The following ANTXRL variants were observed in gnomAD, a reference collection of about 807,000 sequenced individuals.
The protein encoded by ANTXRL is ANTXR like, also known as anthrax toxin receptor-like.
Under a neutral mutation model 75.4 loss-of-function variants are expected in ANTXRL, and 63 were observed. The ratio of observed to expected loss-of-function variants is 0.84; its 90% CI spans 0.68 to 1.03. ANTXRL has a LOEUF of 1.03. Among genes scored for constraint, ANTXRL ranks in the 50% least tolerant of loss-of-function variants. The pLI, the probability that ANTXRL is intolerant of heterozygous loss-of-function variation, is 0.00. For synonymous variants in ANTXRL, 335 were observed against 291.3 expected, an observed-to-expected ratio of 1.15 and a Z score of -1.53; for missense variants, 797 against 789.4, an observed-to-expected ratio of 1.01 and a Z score of -0.12.
At chr10:46,299,254 G>T (rs577322979) in intron 9 of ANTXRL, among the ~76,000 whole-genome samples, 5 of 152,256 alleles carry the variant, frequency 3.3e-5, no homozygotes, top group African/African-American at 1.2e-4. Context: ...AGCACCCTAT[G>T]AGCAGAAGGA....
At chr10:46,287,584 A>AT in intron 1 of ANTXRL, 74 bp downstream of exon 1, 2 of 1,469,862 alleles carry the variant, frequency 1.4e-6, no homozygotes, top group Non-Finnish European at 1.8e-6. Flanking sequence ...GGGACAGGAC[A>AT]CCACTCAAGG....
intron 16 of ANTXRL, among the ~76,000 whole-genome samples, chr10:46,317,043 C>T (rs1397804351): frequency 2.0e-5 from 3 of 152,164 alleles, no homozygotes; most frequent in Admixed American, 6.5e-5. Flanking sequence ...CTCCAGCCTC[C>T]TGCGACCCTA....
intron 16 of ANTXRL, among the ~76,000 whole-genome samples, chr10:46,321,419 G>C (rs1272061090): frequency 6.6e-6 from 1 of 152,110 alleles, no homozygotes; most frequent in Non-Finnish European, 1.5e-5. Flanking sequence ...AGGTTTACCT[G>C]AAAGTCTGCA....
Position 46,329,511 on chromosome 10 carries a change from C to G in ANTXRL, c.1411-88C>G, listed in dbSNP as rs188650225. 22 of 1,474,992 alleles carry G rather than the reference C, an allele frequency of 1.5e-5. No individual in the cohort carries two copies. The Middle Eastern group carries it at 5.2e-4, about 35-fold the overall frequency. 91.4% of individuals were successfully genotyped at this position (1,474,992 alleles called of 1,614,324 possible). A position where few individuals can be genotyped will look rare whatever the true frequency, so the allele number is the denominator to read the frequency against. Reference sequence around the variant, plus strand: ...CCTGTGGGTCCCGATGGGTCCTGGCCCCATCCCTTTGAGCCAGGCAACCGC... The same window carrying G: ...CCTGTGGGTCCCGATGGGTCCTGGCGCCATCCCTTTGAGCCAGGCAACCGC... On this transcript the variant is annotated intron_variant, in intron 16 of 16. Coordinates refer to ENST00000620264, the MANE Select transcript of ANTXRL (RefSeq NM_001278688.3).
intron 16 of ANTXRL, among the ~76,000 whole-genome samples, chr10:46,327,648 A>G (rs2099494559): frequency 6.6e-6 from 1 of 152,130 alleles, no homozygotes; most frequent in African/African-American, 2.4e-5. Context: ...AGGGGAATCC[A>G]GCATTTGAGG....
intron 3 of ANTXRL, 71 bp downstream of exon 3, chr10:46,293,971 G>A: frequency 7.1e-7 from 1 of 1,407,334 alleles, no homozygotes; most frequent in Non-Finnish European, 9.6e-7. Flanking sequence ...GGAGCTGAAG[G>A]GCTCCCGGAG....
At chr10:46,299,791 G>A (rs1322712987) in intron 9 of ANTXRL, among the ~76,000 whole-genome samples, 4 of 152,170 alleles carry the variant, frequency 2.6e-5, no homozygotes, top group African/African-American at 9.7e-5. Context: ...AAAGGCACTG[G>A]GCTGTGCAGG....
At chr10:46,293,687 C>T in intron 2 of ANTXRL, 142 bp from the exon 3 acceptor site, 1 of 698,094 alleles carries the variant, frequency 1.4e-6, no homozygotes, top group Non-Finnish European at 2.4e-6. Context: ...CAGAGTCCTT[C>T]ACTACATTTA....
At chr10:46,304,552 T>C (rs1319603980) in intron 10 of ANTXRL, among the ~76,000 whole-genome samples, 1 of 152,156 alleles carries the variant, frequency 6.6e-6, no homozygotes, top group Non-Finnish European at 1.5e-5. Context: ...TGCAAGGTTG[T>C]GGTTTTTGCA....
At chr10:46,306,562 T>G (rs11259785) in intron 10 of ANTXRL, among the ~76,000 whole-genome samples, 36,100 of 151,812 alleles carry the variant, frequency 0.24, 5,445 homozygotes, top group Non-Finnish European at 0.33. Flanking sequence ...CTGTGTCCCG[T>G]GCAATCCCTA....
intron 9 of ANTXRL, among the ~76,000 whole-genome samples, chr10:46,300,407 C>G (rs1207677897): frequency 1.3e-5 from 2 of 152,116 alleles, no homozygotes; most frequent in South Asian, 4.1e-4. Flanking sequence ...CCTGTTTAGC[C>G]CTGGGCCTCC....
intron 16 of ANTXRL, among the ~76,000 whole-genome samples, chr10:46,324,559 TCTC>T (rs1839123718): frequency 6.6e-6 from 1 of 152,176 alleles, no homozygotes; most frequent in African/African-American, 2.4e-5. Flanking sequence ...TTTAGTTAAA[TCTC>T]CTACAATTGT....
chr10:46,296,021 A>C lies in ANTXRL; in HGVS notation c.395A>C (p.Asn132Thr). The C allele has an allele frequency of 6.5e-7, 1 of 1,535,626 alleles. No individual in the cohort carries two copies. The highest frequency in any genetic ancestry group is 8.7e-7 in the Non-Finnish European group (1 of 1,146,536). ...QTVLPLTSDK[N>T]RIKNGLDQLQ... ...CCACCTTTTTAAATTTTTTTCAGGA[A>C]TAGAATAAAAAACGGTCTTGACCAA... The change falls in exon 4 of 17, where the codon AAT (asparagine) becomes ACT (threonine). Residue 132 changes from asparagine (N) to threonine (T), a missense_variant and splice_region_variant. This residue lies in a region of ANTXRL where 262 missense variants were observed against 271.9 expected (regional missense o/e 0.96). Transcript: ENST00000620264.
chr10:46,309,011 G>T, intron 12 of ANTXRL, 102 bp from the exon 13 acceptor site: 2 of 1,490,226 alleles, frequency 1.3e-6, no homozygotes, highest in Non-Finnish European at 1.8e-6. Flanking sequence ...CCGGATGCGG[G>T]GCCAGCTAGG....
intron 1 of ANTXRL, 108 bp from the exon 2 acceptor site, chr10:46,291,950 G>C: frequency 1.0e-6 from 1 of 993,656 alleles, no homozygotes; most frequent in Non-Finnish European, 1.5e-6. Context: ...GCTGTGCTGG[G>C]GTCAGGAGAG....
At position 46,294,653 on chromosome 10, in the gene ANTXRL, C is replaced by G. The variant is rs552127319; in HGVS notation, c.392+753C>G. Reference sequence around the variant, plus strand: ...AGTAGGGGAGCTTGAGTCTGTGTGTCCTGCGCTGTGGGTTTGTCAGAGAGA... The same window carrying G: ...AGTAGGGGAGCTTGAGTCTGTGTGTGCTGCGCTGTGGGTTTGTCAGAGAGA... On this transcript the variant is annotated intron_variant, in intron 3 of 16. Coordinates refer to ENST00000620264, the MANE Select transcript of ANTXRL (RefSeq NM_001278688.3). 3.3e-5 allele frequency among the ~76,000 whole-genome samples: 5 copies of G among 152,198 alleles called. No homozygotes were observed. The East Asian group carries it at 9.7e-4, about 29-fold the overall frequency.
chr10:46,324,701 C>T (rs1839132412), intron 16 of ANTXRL, among the ~76,000 whole-genome samples: 1 of 152,082 alleles, frequency 6.6e-6, no homozygotes, highest in Non-Finnish European at 1.5e-5. Context: ...AGGAAGAGAC[C>T]CATAAATATT....
chr10:46,323,852 A>G (rs1264520347), intron 16 of ANTXRL, among the ~76,000 whole-genome samples: 2 of 152,158 alleles, frequency 1.3e-5, no homozygotes, highest in Non-Finnish European at 2.9e-5. Flanking sequence ...AAAGATTCCC[A>G]TACTGCATTT....
At chr10:46,294,378 G>T (rs1451022391) in intron 3 of ANTXRL, among the ~76,000 whole-genome samples, 1 of 152,120 alleles carries the variant, frequency 6.6e-6, no homozygotes, top group Non-Finnish European at 1.5e-5. Context: ...AGACTGGGGA[G>T]CCCCTGGGTG....
Sources: gnomAD v4.1 joint callset for allele counts (sites outside exome capture counted in the v4.1 genomes callset) on GRCh38, gnomAD v4.1.1 for gene constraint, gnomAD v4.1.1 regional missense constraint, MANE v1.5 for transcripts, NCBI Gene and HGNC (gene_info 2026-07-23, HGNC 2026-07-21) for gene names.